The following SMAGP variants were observed in gnomAD, a reference collection of about 807,000 sequenced individuals.
SMAGP encodes the protein small cell transmembrane and glycosylated protein.
SMAGP carries 7 observed loss-of-function variants against 10.1 expected under a neutral mutation model. The observed-to-expected ratio is 0.70, with a 90% CI of 0.40 to 1.31. The LOEUF (loss-of-function observed/expected upper bound fraction) is 1.31, where lower values mean the gene tolerates loss of function less well. Among genes scored for constraint, SMAGP ranks in the 50% most tolerant of loss-of-function variants. The probability of loss-of-function intolerance (pLI) is 0.01; values close to 1 mark genes in which losing one functional copy is unlikely to be tolerated. For synonymous variants in SMAGP, 49 were observed against 47.2 expected (o/e 1.04, Z -0.16); for missense variants, 113 against 116.5 (o/e 0.97, Z 0.14).
Position 51,246,770 on chromosome 12 carries a change from G to A in SMAGP, c.96C>T (p.Ala32=), listed in dbSNP as rs755736203. 3 of 1,588,188 alleles carry A rather than the reference G, an allele frequency of 1.9e-6. No homozygotes were observed. The highest frequency in any genetic ancestry group is 1.7e-6 in the Non-Finnish European group (2 of 1,167,414). ...PTEALSPEDG[A]STALIAVVIT... is the part of the protein sequence containing the mutation. Reference sequence around the variant, plus strand: ...TATTACCTGCAATGAGTGCTGTGCTGGCTCCATCTTCTGGGGACAGGGCCT... The same window carrying A: ...TATTACCTGCAATGAGTGCTGTGCTAGCTCCATCTTCTGGGGACAGGGCCT... The change falls in exon 3 of 4, where the codon GCC becomes GCT. Residue 32 remains alanine (A), a synonymous_variant. Transcript: ENST00000603798.
chr12:51,268,031 C>G (rs1358606353), intron 2 of SMAGP, among the ~76,000 whole-genome samples: 2 of 152,160 alleles, frequency 1.3e-5, no homozygotes, highest in African/African-American at 4.8e-5. Context: ...TGAAAACAGT[C>G]AATAAATAAC....
At chr12:51,266,922 C>T (rs1944979401) in intron 2 of SMAGP, among the ~76,000 whole-genome samples, 3 of 152,172 alleles carry the variant, frequency 2.0e-5, no homozygotes, top group Admixed American at 6.5e-5. Context: ...TTGAGACCAG[C>T]CTGGCCAACA....
intron 3 of SMAGP, chr12:51,246,449 TC>T: frequency 2.4e-6 from 1 of 421,732 alleles, no homozygotes; most frequent in East Asian, 3.7e-5. Flanking sequence ...TATCTGATCC[TC>T]CCCCTCTTCC....
At chr12:51,258,527 G>A (rs185539180) in intron 2 of SMAGP, among the ~76,000 whole-genome samples, 42 of 152,064 alleles carry the variant, frequency 2.8e-4, no homozygotes, top group Middle Eastern at 3.4e-3. Context: ...GGGAGGCACA[G>A]GTTGCAGTGA....
At position 51,245,201 on chromosome 12, in the gene SMAGP, A is replaced by G. The variant is rs1213444154; in HGVS notation, c.*740T>C. On this transcript the variant is annotated 3_prime_UTR_variant, in exon 4 of 4. Transcript: ENST00000603798. ...ACCATCTTTGTCTCAAATCCCTGAG[A>G]TAGTTCTGCAAACTTCTAGAACTTT... 1 of 152,180 alleles carries G rather than the reference A, an allele frequency of 6.6e-6. No individual in the cohort carries two copies. Among genetic ancestry groups the G allele is most frequent in the Non-Finnish European group, 1.5e-5 (1 of 68,046 alleles). The allele number at this position is 152,180 out of a possible 1,614,324, so 9.4% of individuals were successfully genotyped here. A position where few individuals can be genotyped will look rare whatever the true frequency, so the allele number is the denominator to read the frequency against.
At chr12:51,263,120 TG>T (rs1944943563) in intron 2 of SMAGP, among the ~76,000 whole-genome samples, 1 of 152,138 alleles carries the variant, frequency 6.6e-6, no homozygotes, top group Non-Finnish European at 1.5e-5. Context: ...CGGTGACTCA[TG>T]CCTGTAATCC....
At chr12:51,256,323 C>T (rs979838862) in intron 2 of SMAGP, among the ~76,000 whole-genome samples, 2 of 152,184 alleles carry the variant, frequency 1.3e-5, no homozygotes, top group Admixed American at 6.6e-5. Flanking sequence ...CGGTGGCTCA[C>T]GCCTGTAATC....
intron 2 of SMAGP, among the ~76,000 whole-genome samples, chr12:51,252,836 T>TC (rs1219663051): frequency 2.5e-5 from 1 of 39,852 alleles, no homozygotes; most frequent in Non-Finnish European, 1.1e-4. Flanking sequence ...AAGAGAATCA[T>TC]TTTTTTGCAC....
intron 2 of SMAGP, among the ~76,000 whole-genome samples, chr12:51,255,915 G>T (rs972869472): frequency 6.6e-6 from 1 of 152,122 alleles, no homozygotes; most frequent in Non-Finnish European, 1.5e-5. Context: ...GGGATTACAG[G>T]CATGCACCAC....
At chr12:51,269,193 G>A in intron 2 of SMAGP, 52 bp downstream of exon 2, 2 of 1,603,544 alleles carry the variant, frequency 1.2e-6, no homozygotes, top group African/African-American at 1.3e-5. Flanking sequence ...GTCTGGGGAA[G>A]GGGATGTTGA....
At chr12:51,256,410 AC>A (rs1944884557) in intron 2 of SMAGP, among the ~76,000 whole-genome samples, 1 of 151,898 alleles carries the variant, frequency 6.6e-6, no homozygotes, top group Non-Finnish European at 1.5e-5. Flanking sequence ...ACATAGTGGG[AC>A]CTCAGCTCTA....
intron 2 of SMAGP, among the ~76,000 whole-genome samples, chr12:51,251,202 G>A (rs746908003): frequency 2.0e-4 from 30 of 152,150 alleles, no homozygotes; most frequent in Non-Finnish European, 3.8e-4. Flanking sequence ...GGGAGGCGGA[G>A]GCAGGAGGAT....
Position 51,245,971 on chromosome 12 carries a change from C to T in SMAGP, c.264G>A (p.Lys88=). 6.2e-7 allele frequency: 1 copy of T among 1,613,884 alleles called. No individual in the cohort carries two copies. Among genetic ancestry groups the T allele is most frequent in the South Asian group, 1.1e-5 (1 of 91,082 alleles). Residue 88 remains lysine (K), a synonymous_variant, in exon 4 of 4, where the codon AAG becomes AAA. Transcript: ENST00000603798. ...AIVQMESDLA[K]GSEKEEYFI ...TGAAATATTCCTCTTTCTCGCTGCCCTTGGCCAAGTCACTCTCCATCTGGA... is the reference window on the plus strand; with the variant it reads ...TGAAATATTCCTCTTTCTCGCTGCCTTTGGCCAAGTCACTCTCCATCTGGA...
intron 2 of SMAGP, among the ~76,000 whole-genome samples, chr12:51,252,090 A>G (rs1032996599): frequency 5.2e-5 from 7 of 135,296 alleles, no homozygotes; most frequent in African/African-American, 1.8e-4. Flanking sequence ...CAGACTCTAC[A>G]TCAGATTTTT....
intron 1 of SMAGP, chr12:51,269,533 TTACC>T: frequency 1.9e-6 from 1 of 530,088 alleles, no homozygotes; most frequent in Non-Finnish European, 3.4e-6. Context: ...TGACGGGGTG[TTACC>T]TTCATACGCT....
At position 51,245,685 on chromosome 12, in the gene SMAGP, A is replaced by G. The variant is rs950789720; in HGVS notation, c.*256T>C. 1 of 450,434 alleles carries G rather than the reference A, an allele frequency of 2.2e-6. No individual in the cohort carries two copies. The highest frequency in any genetic ancestry group is 1.9e-5 in the African/African-American group (1 of 51,620). The allele number at this position is 450,434 out of a possible 1,614,324, so 27.9% of individuals were successfully genotyped here. On this transcript the variant is annotated 3_prime_UTR_variant, in exon 4 of 4. Transcript: ENST00000603798. Reference sequence around the variant, plus strand: ...CACATACTCAGATGTCCCCTGGCATAGCCACATCTTGTTGGCCAGTCACAA... The same window carrying G: ...CACATACTCAGATGTCCCCTGGCATGGCCACATCTTGTTGGCCAGTCACAA...
In SMAGP at chr12:51,246,330, C is replaced by T. The variant is rs552375926; in HGVS notation, c.116-211G>A. ...TCTCCTGGTGCTTAAGCTAAGGACACATGCTTTTGATTTCTGACAAAACTG... is the reference window on the plus strand; with the variant it reads ...TCTCCTGGTGCTTAAGCTAAGGACATATGCTTTTGATTTCTGACAAAACTG... On this transcript the variant is annotated intron_variant, in intron 3 of 3. Coordinates refer to ENST00000603798, the MANE Select transcript of SMAGP (RefSeq NM_001031628.2). 1.9e-4 allele frequency: 115 copies of T among 613,712 alleles called. No individual in the cohort carries two copies. In the African/African-American group the frequency reaches 2.0e-3, roughly 10 times the overall value. 38.0% of individuals were successfully genotyped at this position (613,712 alleles called of 1,614,324 possible).
At chr12:51,266,674 A>T (rs10747609) in intron 2 of SMAGP, among the ~76,000 whole-genome samples, 104,402 of 152,054 alleles carry the variant, frequency 0.69, 38,958 homozygotes, top group Non-Finnish European at 0.85. Flanking sequence ...AAAACACAGT[A>T]TAGATGGGGT....
At chr12:51,257,670 G>A (rs536250589) in intron 2 of SMAGP, among the ~76,000 whole-genome samples, 31 of 151,962 alleles carry the variant, frequency 2.0e-4, no homozygotes, top group African/African-American at 7.2e-4. Flanking sequence ...TTAGTCTCCC[G>A]AGTACCTGGG....
Sources: gnomAD v4.1 joint callset for allele counts (sites outside exome capture counted in the v4.1 genomes callset) on GRCh38, gnomAD v4.1.1 for gene constraint, MANE v1.5 for transcripts, NCBI Gene and HGNC (gene_info 2026-07-23, HGNC 2026-07-21) for gene names.